Variants in ARHGAP24 observed in about 807,000 individuals in gnomAD.
ARHGAP24 encodes rho GTPase-activating protein 24.
In ARHGAP24, 50 loss-of-function variants were observed where a neutral mutation model predicts 76.4. The observed-to-expected ratio is 0.65, with a 90% CI of 0.52 to 0.83. The LOEUF (loss-of-function observed/expected upper bound fraction) is 0.83, where lower values mean the gene tolerates loss of function less well. Among genes scored for constraint, ARHGAP24 ranks in the 40% least tolerant of loss-of-function variants. ARHGAP24 has a pLI of 0.00. For missense variants in ARHGAP24, 930 were observed against 914.2 expected, an observed-to-expected ratio of 1.02 and a Z score of -0.22; for synonymous variants, 345 against 323.3, an observed-to-expected ratio of 1.07 and a Z score of -0.72.
intron 4 of ARHGAP24, among the ~76,000 whole-genome samples, chr4:85,937,624 A>G (rs900722584): frequency 1.3e-5 from 2 of 152,190 alleles, no homozygotes; most frequent in Admixed American, 1.3e-4. Context: ...AAAGAGACTG[A>G]CAAGGGCATT....
intron 2 of ARHGAP24, among the ~76,000 whole-genome samples, chr4:85,642,102 C>G (rs1333232382): frequency 6.6e-6 from 1 of 151,992 alleles, no homozygotes; most frequent in African/African-American, 2.4e-5. Flanking sequence ...TACAATCAGA[C>G]AAGGCAGGCT....
At chr4:85,959,823 G>A (rs943436730) in intron 5 of ARHGAP24, among the ~76,000 whole-genome samples, 1 of 152,128 alleles carries the variant, frequency 6.6e-6, no homozygotes, top group African/African-American at 2.4e-5. Context: ...ATGTATGAGG[G>A]TTATGACTTT....
chr4:85,516,968 T>C (rs918768804), intron 1 of ARHGAP24, among the ~76,000 whole-genome samples: 1 of 152,182 alleles, frequency 6.6e-6, no homozygotes, highest in Non-Finnish European at 1.5e-5. Context: ...GAGATATGGA[T>C]CCACTTTTAT....
At chr4:85,919,098 C>T (rs1314748767) in intron 3 of ARHGAP24, among the ~76,000 whole-genome samples, 1 of 152,168 alleles carries the variant, frequency 6.6e-6, no homozygotes, top group Non-Finnish European at 1.5e-5. Context: ...GACTGGGAAA[C>T]TCTCACCACT....
intron 1 of ARHGAP24, among the ~76,000 whole-genome samples, chr4:85,529,726 A>G (rs1404871776): frequency 6.6e-6 from 1 of 151,978 alleles, no homozygotes; most frequent in Non-Finnish European, 1.5e-5. Context: ...AGATGTGACA[A>G]AATCACTCCT....
chr4:85,816,819 T>C (rs2110118937), intron 3 of ARHGAP24, among the ~76,000 whole-genome samples: 1 of 152,290 alleles, frequency 6.6e-6, no homozygotes, highest in East Asian at 1.9e-4. Flanking sequence ...AATTCTATTT[T>C]TAATTTTTTA....
intron 4 of ARHGAP24, among the ~76,000 whole-genome samples, chr4:85,926,565 T>C (rs369920496): frequency 2.6e-5 from 4 of 152,190 alleles, no homozygotes. Context: ...CAAATGTTCC[T>C]ATTAATATTA....
At chr4:85,846,388 GT>G (rs113963846) in intron 3 of ARHGAP24, among the ~76,000 whole-genome samples, 5,642 of 151,932 alleles carry the variant, frequency 0.037, 366 homozygotes, top group African/African-American at 0.13. Flanking sequence ...ATAATTCAGG[GT>G]TTTTTTTATT....
intron 3 of ARHGAP24, among the ~76,000 whole-genome samples, chr4:85,808,352 C>T (rs556281396): frequency 5.9e-5 from 9 of 152,216 alleles, no homozygotes; most frequent in Non-Finnish European, 1.2e-4. Flanking sequence ...CTTTCAACTG[C>T]TCTAAACACT....
At chr4:85,681,030 A>G (rs777301767) in intron 2 of ARHGAP24, among the ~76,000 whole-genome samples, 7 of 152,104 alleles carry the variant, frequency 4.6e-5, no homozygotes, top group Non-Finnish European at 1.0e-4. Context: ...TCTTGAGGAT[A>G]CACCTGAGCT....
At chr4:85,564,745 G>T (rs938644451) in intron 1 of ARHGAP24, among the ~76,000 whole-genome samples, 1 of 150,564 alleles carries the variant, frequency 6.6e-6, no homozygotes, top group Admixed American at 6.6e-5. Flanking sequence ...AATAGGGTTT[G>T]AGCTCCTATG....
chr4:85,599,303 CCTGT>C (rs1156976499), intron 2 of ARHGAP24, among the ~76,000 whole-genome samples: 1 of 152,100 alleles, frequency 6.6e-6, no homozygotes, highest in African/African-American at 2.4e-5. Flanking sequence ...TATTGAGCAG[CCTGT>C]CTAAGAGGCC....
At chr4:85,659,929 C>G (rs149634719) in intron 2 of ARHGAP24, among the ~76,000 whole-genome samples, 19 of 152,278 alleles carry the variant, frequency 1.2e-4, no homozygotes, top group African/African-American at 3.9e-4. Flanking sequence ...AGGTTTCTTT[C>G]CATTCGTTCT....
chr4:85,703,861 T>C (rs904623109), intron 2 of ARHGAP24, among the ~76,000 whole-genome samples: 1 of 152,130 alleles, frequency 6.6e-6, no homozygotes, highest in African/African-American at 2.4e-5. Context: ...AGTTATGTAA[T>C]CACCACCACA....
chr4:85,611,791 C>T (rs1245236515), intron 2 of ARHGAP24, among the ~76,000 whole-genome samples: 1 of 152,184 alleles, frequency 6.6e-6, no homozygotes, highest in African/African-American at 2.4e-5. Flanking sequence ...CTTGTTGAAA[C>T]TTGATGGACT....
chr4:85,648,851 C>T (rs1264166016), intron 2 of ARHGAP24, among the ~76,000 whole-genome samples: 6 of 151,966 alleles, frequency 3.9e-5, no homozygotes, highest in Non-Finnish European at 2.9e-5. Context: ...ATTATTATGT[C>T]CTTGGGGAGC....
Position 85,972,138 on chromosome 4 carries a change from T to C in ARHGAP24, c.702T>C (p.Cys234=). ...PYAKYEDFLS[C]AKLLSKEEEA... is the part of the protein sequence containing the mutation. Reference sequence around the variant, plus strand: ...CGAAGTATGAAGATTTTTTGTCATGTGCCAAACTGCTCAGCAAGGAAGAGG... The same window carrying C: ...CGAAGTATGAAGATTTTTTGTCATGCGCCAAACTGCTCAGCAAGGAAGAGG... Residue 234 remains cysteine, a synonymous_variant, in exon 6 of 10, where the codon TGT becomes TGC. Transcript: ENST00000395184. The C allele has an allele frequency of 6.2e-7, 1 of 1,613,938 alleles. No individual in the cohort carries two copies. Among genetic ancestry groups the C allele is most frequent in the Non-Finnish European group, 8.5e-7 (1 of 1,179,986 alleles).
chr4:85,715,732 G>T (rs1186618429), intron 2 of ARHGAP24, among the ~76,000 whole-genome samples: 1 of 151,856 alleles, frequency 6.6e-6, no homozygotes, highest in Non-Finnish European at 1.5e-5. Flanking sequence ...TCATAACAGG[G>T]CCTTAATATG....
intron 3 of ARHGAP24, among the ~76,000 whole-genome samples, chr4:85,756,112 G>T (rs892274276): frequency 6.6e-6 from 1 of 152,048 alleles, no homozygotes; most frequent in Non-Finnish European, 1.5e-5. Context: ...ATCAATGTAT[G>T]TATTGATGTA....
Sources: allele counts gnomAD v4.1 joint callset (sites outside exome capture counted in the v4.1 genomes callset), GRCh38; gene constraint gnomAD v4.1.1; transcripts MANE v1.5; gene names NCBI Gene and HGNC (gene_info 2026-07-23, HGNC 2026-07-21).